Variants in EYS observed in about 807,000 individuals in gnomAD.
EYS encodes EGF-like photoreceptor maintenance factor.
Under a neutral mutation model 282.1 loss-of-function variants are expected in EYS, and 250 were observed. That is an observed-to-expected ratio of 0.89 (90% CI 0.80 to 0.98). The LOEUF is 0.98. Among genes scored for constraint, EYS ranks in the 50% least tolerant of loss-of-function variants. The pLI is 0.00. For missense variants in EYS, 4,016 were observed against 3,709.0 expected, an observed-to-expected ratio of 1.08 and a Z score of -2.15; for synonymous variants, 1,355 against 1,282.9, an observed-to-expected ratio of 1.06 and a Z score of -1.20.
intron 26 of EYS, among the ~76,000 whole-genome samples, chr6:64,507,930 A>G (rs1777263757): frequency 2.0e-5 from 3 of 152,324 alleles, no homozygotes; most frequent in South Asian, 2.1e-4. Flanking sequence ...TAAAGTGACA[A>G]AGCAATACCA....
chr6:64,264,104 A>ACAT (rs937072817), intron 30 of EYS, among the ~76,000 whole-genome samples: 27 of 151,644 alleles, frequency 1.8e-4, no homozygotes, highest in South Asian at 6.2e-4. Flanking sequence ...TAAAAGAAAA[A>ACAT]CAACAACAAA....
chr6:64,253,933 A>C (rs767816008), intron 30 of EYS, among the ~76,000 whole-genome samples: 2 of 152,134 alleles, frequency 1.3e-5, no homozygotes, highest in Non-Finnish European at 2.9e-5. Flanking sequence ...TGATCTGCTT[A>C]GTAATACACC....
chr6:65,512,220 C>T (rs1766907532), intron 2 of EYS, among the ~76,000 whole-genome samples: 1 of 151,948 alleles, frequency 6.6e-6, no homozygotes, highest in Admixed American at 6.6e-5. Flanking sequence ...AGGCCGGGCA[C>T]GGTGGCTCAT....
chr6:64,998,302 T>G (rs1259056837), intron 13 of EYS, among the ~76,000 whole-genome samples: 2 of 152,212 alleles, frequency 1.3e-5, no homozygotes, highest in Non-Finnish European at 2.9e-5. Flanking sequence ...AAGGAAGTAG[T>G]GACAGTATGA....
intron 30 of EYS, among the ~76,000 whole-genome samples, chr6:64,268,327 G>T (rs1477911814): frequency 6.6e-6 from 1 of 152,062 alleles, no homozygotes; most frequent in Non-Finnish European, 1.5e-5. Flanking sequence ...GTGTATATAT[G>T]AATAGACAAC....
intron 2 of EYS, among the ~76,000 whole-genome samples, chr6:65,620,542 C>A (rs1166971603): frequency 6.6e-6 from 1 of 150,850 alleles, no homozygotes; most frequent in South Asian, 2.1e-4. Flanking sequence ...TTTTTTGTGT[C>A]TCTATTTCCT....
chr6:64,707,058 T>C (rs766400068), intron 22 of EYS, among the ~76,000 whole-genome samples: 1 of 151,680 alleles, frequency 6.6e-6, no homozygotes, highest in Non-Finnish European at 1.5e-5. Context: ...TCAGACCAAA[T>C]GCCCATTAAT....
At chr6:65,478,223 T>C (rs763088927) in intron 5 of EYS, among the ~76,000 whole-genome samples, 1 of 152,152 alleles carries the variant, frequency 6.6e-6, no homozygotes, top group Non-Finnish European at 1.5e-5. Context: ...AATATGAATG[T>C]ATATGGCTTG....
Position 65,189,993 on chromosome 6 carries a change from G to T in EYS, c.2023+105870C>A, listed in dbSNP as rs540388763. On this transcript the variant is annotated intron_variant, in intron 12 of 42. Coordinates refer to ENST00000503581, the MANE Select transcript of EYS (RefSeq NM_001142800.2). ...TCCTCGGGCCAGAGACAGCATGTAG[G>T]TCATGCTGTGGTTGATCACAAGGGC... is the stretch of plus-strand genomic sequence containing the variant. Among the ~76,000 whole-genome samples, 5 of 151,780 alleles carry T rather than the reference G, an allele frequency of 3.3e-5. No individual in the cohort carries two copies. The East Asian group carries it at 9.8e-4, about 30-fold the overall frequency.
intron 29 of EYS, among the ~76,000 whole-genome samples, chr6:64,335,665 C>G (rs769607453): frequency 6.6e-6 from 1 of 151,886 alleles, no homozygotes; most frequent in Non-Finnish European, 1.5e-5. Flanking sequence ...TTTGATTGTC[C>G]CGCAACAATC....
intron 12 of EYS, among the ~76,000 whole-genome samples, chr6:65,070,661 A>C (rs1773876418): frequency 6.6e-6 from 1 of 151,636 alleles, no homozygotes; most frequent in Admixed American, 6.6e-5. Context: ...GATGAGACTT[A>C]TTTTGAGAAA....
intron 2 of EYS, among the ~76,000 whole-genome samples, chr6:65,633,723 T>A (rs572455880): frequency 1.4e-4 from 21 of 152,332 alleles, no homozygotes; most frequent in South Asian, 8.3e-4. Context: ...CCTTTTCCAA[T>A]TTCTCACACT....
intron 31 of EYS, among the ~76,000 whole-genome samples, chr6:64,149,121 G>A (rs1226171885): frequency 1.3e-5 from 2 of 152,026 alleles, no homozygotes; most frequent in African/African-American, 4.8e-5. Flanking sequence ...TTTTTCTAGT[G>A]ACGCTGCTTA....
intron 26 of EYS, among the ~76,000 whole-genome samples, chr6:64,472,434 G>A (rs1472314940): frequency 2.6e-5 from 4 of 152,088 alleles, no homozygotes; most frequent in Non-Finnish European, 5.9e-5. Flanking sequence ...ATCAAATTTG[G>A]TTAATAGATT....
chr6:63,872,637 C>A (rs948886281), intron 35 of EYS, among the ~76,000 whole-genome samples: 1 of 151,956 alleles, frequency 6.6e-6, no homozygotes, highest in African/African-American at 2.4e-5. Context: ...TGCCGCCATG[C>A]CTGGCTAATT....
At chr6:64,028,084 C>A (rs1026166225) in intron 33 of EYS, among the ~76,000 whole-genome samples, 2 of 152,140 alleles carry the variant, frequency 1.3e-5, no homozygotes, top group African/African-American at 4.8e-5. Flanking sequence ...CCTGAAAGTC[C>A]CACACCCTTA....
chr6:65,223,480 T>C (rs2150261197), intron 12 of EYS, among the ~76,000 whole-genome samples: 1 of 152,326 alleles, frequency 6.6e-6, no homozygotes, highest in South Asian at 2.1e-4. Flanking sequence ...AACTTAGTGC[T>C]ATTTGTGGAG....
intron 34 of EYS, among the ~76,000 whole-genome samples, chr6:63,990,408 C>T (rs1231299852): frequency 2.6e-5 from 4 of 151,696 alleles, no homozygotes; most frequent in Admixed American, 1.3e-4. Context: ...CACTCCCCAA[C>T]ATAGCATGGC....
chr6:64,804,652 G>C (rs886693833), intron 22 of EYS, among the ~76,000 whole-genome samples: 2 of 151,980 alleles, frequency 1.3e-5, no homozygotes, highest in Admixed American at 6.6e-5. Context: ...TTGGCTTTTG[G>C]AATCTGATGA....
Sources: gnomAD v4.1 joint callset for allele counts (sites outside exome capture counted in the v4.1 genomes callset) on GRCh38, gnomAD v4.1.1 for gene constraint, MANE v1.5 for transcripts, NCBI Gene and HGNC (gene_info 2026-07-23, HGNC 2026-07-21) for gene names.